The following UNC93A variants were observed in gnomAD, a reference collection of about 807,000 sequenced individuals.
UNC93A encodes N-acetylglucosamine transporter UNC93A.
Under a neutral mutation model 47.5 loss-of-function variants are expected in UNC93A, and 43 were observed. That is an observed-to-expected ratio of 0.91 (90% confidence interval 0.71 to 1.17). UNC93A has a LOEUF of 1.17. Among genes scored for constraint, UNC93A ranks in the 50% most tolerant of loss-of-function variants. UNC93A has a pLI of 0.00. For missense variants in UNC93A, 605 were observed against 577.6 expected (o/e 1.05, Z -0.49); for synonymous variants, 280 against 258.0 (o/e 1.09, Z -0.82).
Position 167,311,214 on chromosome 6 carries a change from C to T in UNC93A, c.1108+3304C>T, listed in dbSNP as rs373376704. Among the ~76,000 whole-genome samples the T allele has an allele frequency of 5.3e-5, 8 of 152,314 alleles. No individual in the cohort carries two copies. The East Asian group carries it at 1.2e-3, about 22-fold the overall frequency. ...CCACGTATGTTCTTAATTAACGACA[C>T]CGAATAAAACCCAATGCACTTTGTC... is the stretch of plus-strand genomic sequence containing the variant. On this transcript the variant is annotated intron_variant, in intron 7 of 7. Transcript: ENST00000230256.
intron 1 of UNC93A, among the ~76,000 whole-genome samples, chr6:167,293,684 G>A (rs1777957112): frequency 6.6e-6 from 1 of 152,134 alleles, no homozygotes; most frequent in South Asian, 2.1e-4. Context: ...GAGAAGACAG[G>A]GCCTCATTCC....
At chr6:167,285,143 G>T (rs1438989514) in intron 1 of UNC93A, among the ~76,000 whole-genome samples, 2 of 150,914 alleles carry the variant, frequency 1.3e-5, no homozygotes, top group Non-Finnish European at 3.0e-5. Context: ...ATAGGTGTGT[G>T]GTTACCTGCC....
Position 167,304,064 on chromosome 6 carries a change from G to C in UNC93A, c.771G>C (p.Leu257=). 6.2e-7 allele frequency: 1 copy of C among 1,614,106 alleles called. No individual in the cohort carries two copies. Among genetic ancestry groups the C allele is most frequent in the Non-Finnish European group, 8.5e-7 (1 of 1,180,032 alleles). The change falls in exon 5 of 8, where the codon CTG becomes CTC. Residue 257 remains leucine, a synonymous_variant. Transcript: ENST00000230256. ...STFKLYRDKR[L]CLLILLPLYS... is the part of the protein sequence containing the mutation. ...TCAAGCTATATAGAGATAAACGTCT[G>C]TGCCTCTTAATTCTGCTGCCGCTGT...
chr6:167,276,811 C>T (rs914178706), intron 1 of UNC93A, among the ~76,000 whole-genome samples: 3 of 152,210 alleles, frequency 2.0e-5, no homozygotes, highest in South Asian at 4.1e-4. Context: ...TAGGAAACCC[C>T]GGGAGTCGTG....
At chr6:167,280,188 G>A (rs762706808) in intron 1 of UNC93A, among the ~76,000 whole-genome samples, 4 of 152,204 alleles carry the variant, frequency 2.6e-5, no homozygotes, top group Non-Finnish European at 4.4e-5. Context: ...CGAGGATGAG[G>A]TCTCAGGATC....
At chr6:167,289,369 A>C (rs946098882), upstream of UNC93A, among the ~76,000 whole-genome samples, 9 of 152,220 alleles carry the variant, frequency 5.9e-5, no homozygotes, top group Non-Finnish European at 2.9e-5. Context: ...TCTGCTACAG[A>C]GAAAAGGCAG....
upstream of UNC93A, among the ~76,000 whole-genome samples, chr6:167,290,003 G>A (rs1409936598): frequency 6.6e-6 from 1 of 152,126 alleles, no homozygotes; most frequent in African/African-American, 2.4e-5. Flanking sequence ...GTATCTTGAA[G>A]TTAACATTTT....
intron 2 of UNC93A, among the ~76,000 whole-genome samples, chr6:167,295,573 A>C (rs1973898): frequency 0.08 from 1,290 of 16,180 alleles, 36 homozygotes; most frequent in Admixed American, 0.1. Context: ...CTCCCTCGTG[A>C]TCCTCGCCTG....
In UNC93A at chr6:167,306,271, G is replaced by T. The variant is rs576209645; in HGVS notation, c.976+221G>T. On this transcript the variant is annotated intron_variant, in intron 6 of 7. Coordinates refer to ENST00000230256, the MANE Select transcript of UNC93A (RefSeq NM_018974.4). ...TGGCTCTGGGCAGGCACTGTGCTCG[G>T]CATGAGGCCACACAGCAAGTGCCTG... Among the ~76,000 whole-genome samples the T allele has an allele frequency of 6.6e-5, 10 of 152,324 alleles. No individual in the cohort carries two copies. In the South Asian group the frequency reaches 1.2e-3, roughly 19 times the overall value.
At chr6:167,313,208 A>G (rs1419253020) in intron 7 of UNC93A, among the ~76,000 whole-genome samples, 3 of 152,184 alleles carry the variant, frequency 2.0e-5, no homozygotes, top group African/African-American at 4.8e-5. Context: ...TGGGTCCCCA[A>G]GTCCTCCATG....
chr6:167,293,886 G>A (rs1777966688), intron 1 of UNC93A, among the ~76,000 whole-genome samples: 1 of 152,190 alleles, frequency 6.6e-6, no homozygotes, highest in African/African-American at 2.4e-5. Context: ...CTGGAGCTGA[G>A]GTCTGGATGG....
chr6:167,293,400 C>T (rs933765256), intron 1 of UNC93A, among the ~76,000 whole-genome samples: 1 of 152,160 alleles, frequency 6.6e-6, no homozygotes, highest in Non-Finnish European at 1.5e-5. Flanking sequence ...GTTCGAGGCC[C>T]CACCCGGGCC....
upstream of UNC93A, among the ~76,000 whole-genome samples, chr6:167,289,047 C>T (rs1330436935): frequency 2.0e-5 from 3 of 152,284 alleles, no homozygotes; most frequent in South Asian, 2.1e-4. Flanking sequence ...TACACGTACC[C>T]GTCTTTGGCC....
chr6:167,290,927 A>AC (rs1783828598), upstream of UNC93A, among the ~76,000 whole-genome samples: 1 of 152,160 alleles, frequency 6.6e-6, no homozygotes, highest in Non-Finnish European at 1.5e-5. Flanking sequence ...GTGTTGTGAA[A>AC]CTGTACAGTC....
chr6:167,289,616 G>C (rs1783806524), upstream of UNC93A, among the ~76,000 whole-genome samples: 1 of 152,104 alleles, frequency 6.6e-6, no homozygotes, highest in Non-Finnish European at 1.5e-5. Flanking sequence ...AAGGGGAGGG[G>C]AAGAGCAGCC....
upstream of UNC93A, among the ~76,000 whole-genome samples, chr6:167,287,331 G>A (rs1265102313): frequency 1.3e-5 from 2 of 152,226 alleles, no homozygotes; most frequent in African/African-American, 4.8e-5. Context: ...GCTGGACACT[G>A]CTCTGCCGCC....
chr6:167,286,390 C>T (rs1175402942), upstream of UNC93A, among the ~76,000 whole-genome samples: 2 of 152,354 alleles, frequency 1.3e-5, no homozygotes, highest in South Asian at 2.1e-4. Context: ...AAGAGGCGGT[C>T]ATTGCATCGT....
At chr6:167,293,832 T>A (rs1296392554) in intron 1 of UNC93A, among the ~76,000 whole-genome samples, 1 of 152,174 alleles carries the variant, frequency 6.6e-6, no homozygotes, top group Non-Finnish European at 1.5e-5. Flanking sequence ...CAAGTTCTCA[T>A]TCAGCTCTCA....
chr6:167,273,749 C>G (rs9459955), intron 1 of UNC93A, among the ~76,000 whole-genome samples: 29,703 of 151,894 alleles, frequency 0.2, 3,076 homozygotes, highest in African/African-American at 0.26. Flanking sequence ...CACCAGGAAG[C>G]AGGGGCTTCC....
Sources: allele counts gnomAD v4.1 joint callset (sites outside exome capture counted in the v4.1 genomes callset), GRCh38; gene constraint gnomAD v4.1.1; transcripts MANE v1.5; gene names NCBI Gene and HGNC (gene_info 2026-07-23, HGNC 2026-07-21).